Variants in TOM1L2 observed in about 807,000 individuals in gnomAD.
TOM1L2 encodes target of myb1 like 2 membrane trafficking protein.
TOM1L2 carries 31 observed loss-of-function variants against 67.9 expected under a neutral mutation model. That is an observed-to-expected ratio of 0.46 (90% CI 0.34 to 0.62). The LOEUF is 0.62. Ranked by LOEUF, TOM1L2 falls within the 20% of genes least tolerant of loss-of-function variation. TOM1L2 has a pLI of 0.01. For synonymous variants in TOM1L2, 256 were observed against 254.0 expected, an observed-to-expected ratio of 1.01 and a Z score of -0.07; for missense variants, 606 against 663.5, an observed-to-expected ratio of 0.91 and a Z score of 0.95.
At position 17,963,449 on chromosome 17, in the gene TOM1L2, C is replaced by T. The variant is rs551128453; in HGVS notation, c.52+8813G>A. ...AAGAAAAACGCTGGAGCTAGAGCCC[C>T]TGGCTGGAGAGGACCGCTCCGCCTA... On this transcript the variant is annotated intron_variant, in intron 1 of 14. Transcript: ENST00000379504. 5.3e-5 allele frequency among the ~76,000 whole-genome samples: 8 copies of T among 152,348 alleles called. No individual in the cohort carries two copies. In the South Asian group the frequency reaches 1.7e-3, roughly 32 times the overall value.
intron 7 of TOM1L2, among the ~76,000 whole-genome samples, chr17:17,871,350 G>A (rs2037144517): frequency 6.6e-6 from 1 of 151,872 alleles, no homozygotes. Flanking sequence ...CAGACTGGGA[G>A]AGAGAGCGAG....
At chr17:17,850,236 GAA>G (rs1370542975) in intron 13 of TOM1L2, among the ~76,000 whole-genome samples, 1 of 152,206 alleles carries the variant, frequency 6.6e-6, no homozygotes, top group East Asian at 1.9e-4. Flanking sequence ...TGCTGAGAGT[GAA>G]AGTGCTTTGT....
intron 4 of TOM1L2, among the ~76,000 whole-genome samples, chr17:17,893,371 T>TC (rs2038390629): frequency 6.6e-6 from 1 of 152,112 alleles, no homozygotes. Flanking sequence ...TTCTTCCTAC[T>TC]CCAAGTTTTC....
intron 3 of TOM1L2, among the ~76,000 whole-genome samples, chr17:17,894,062 G>A (rs75657476): frequency 6.6e-6 from 1 of 152,220 alleles, no homozygotes. Context: ...GTTGGTAATT[G>A]AGGCACCAGT....
chr17:17,962,757 G>A (rs150961477), intron 1 of TOM1L2, among the ~76,000 whole-genome samples: 4,852 of 151,994 alleles, frequency 0.032, 227 homozygotes, highest in African/African-American at 0.11. Flanking sequence ...TCAAGAGATC[G>A]AGACCAACCT....
chr17:17,855,996 A>C (rs1431404291), intron 12 of TOM1L2, among the ~76,000 whole-genome samples: 4 of 151,808 alleles, frequency 2.6e-5, no homozygotes. Context: ...TCAGTCAGGC[A>C]AGACACCAGG....
intron 1 of TOM1L2, among the ~76,000 whole-genome samples, chr17:17,955,887 G>C (rs555683064): frequency 6.6e-6 from 1 of 152,088 alleles, no homozygotes; most frequent in African/African-American, 2.4e-5. Flanking sequence ...GCAGACCTTC[G>C]CGGTGAGTGT....
intron 6 of TOM1L2, among the ~76,000 whole-genome samples, chr17:17,882,234 C>G (rs1469854215): frequency 1.3e-5 from 2 of 152,162 alleles, no homozygotes; most frequent in Non-Finnish European, 2.9e-5. Context: ...ATAGACAAGC[C>G]CGTCACAACT....
intron 3 of TOM1L2, among the ~76,000 whole-genome samples, chr17:17,894,156 T>A (rs1418136142): frequency 6.6e-6 from 1 of 152,202 alleles, no homozygotes; most frequent in Non-Finnish European, 1.5e-5. Context: ...CTCCTCTCTC[T>A]GGGCCTCTGG....
intron 7 of TOM1L2, 155 bp from the exon 8 acceptor site, chr17:17,869,628 C>T: frequency 3.6e-6 from 5 of 1,401,630 alleles, no homozygotes; most frequent in Non-Finnish European, 4.6e-6. Context: ...AGTAGAAGTT[C>T]CCTCTTCACT....
At chr17:17,913,395 A>G (rs2039492956) in intron 1 of TOM1L2, among the ~76,000 whole-genome samples, 1 of 151,972 alleles carries the variant, frequency 6.6e-6, no homozygotes, top group African/African-American at 2.4e-5. Context: ...CATGGAGCAG[A>G]TGCCGGGCCA....
At chr17:17,902,442 G>A (rs1464505995) in intron 2 of TOM1L2, among the ~76,000 whole-genome samples, 1 of 152,254 alleles carries the variant, frequency 6.6e-6, no homozygotes, top group Admixed American at 6.5e-5. Flanking sequence ...CTGCGGCCAG[G>A]TGAGCCTGTG....
intron 4 of TOM1L2, among the ~76,000 whole-genome samples, chr17:17,886,430 G>C (rs1162759204): frequency 6.6e-6 from 1 of 152,280 alleles, no homozygotes; most frequent in Non-Finnish European, 1.5e-5. Context: ...AGCTGGAGGA[G>C]AGTAGGTTGC....
At chr17:17,906,168 A>T (rs1370927910) in intron 2 of TOM1L2, among the ~76,000 whole-genome samples, 2 of 144,040 alleles carry the variant, frequency 1.4e-5, no homozygotes. Context: ...TTTCTCTGTC[A>T]CCAAAACTGG....
chr17:17,902,878 T>C (rs2038919078), intron 2 of TOM1L2, among the ~76,000 whole-genome samples: 1 of 152,208 alleles, frequency 6.6e-6, no homozygotes, highest in Admixed American at 6.5e-5. Context: ...CCCTATGAGA[T>C]AGGTATTATT....
chr17:17,966,594 G>A (rs1223891594), intron 1 of TOM1L2, among the ~76,000 whole-genome samples: 2 of 152,146 alleles, frequency 1.3e-5, no homozygotes, highest in African/African-American at 4.8e-5. Context: ...TTCCCTTGCG[G>A]CTGAATCATG....
Position 17,847,237 on chromosome 17 carries a change from GA to G in TOM1L2, c.*397del. 1 of 218,244 alleles carries G rather than the reference GA, an allele frequency of 4.6e-6. No individual in the cohort carries two copies. The highest frequency in any genetic ancestry group is 1.3e-4 in the East Asian group (1 of 7,868). The allele number at this position is 218,244 out of a possible 1,614,324, so 13.5% of individuals were successfully genotyped here. On this transcript the variant is annotated 3_prime_UTR_variant, in exon 15 of 15. Transcript: ENST00000379504. ...GGGCCCAGGAGGGCAGAATGCCTGA[GA>G]AGGTCGCTGAGCCAGGCAGAGGTGA... is the stretch of plus-strand genomic sequence containing the variant.
At chr17:17,963,333 C>T (rs2041763833) in intron 1 of TOM1L2, among the ~76,000 whole-genome samples, 1 of 152,218 alleles carries the variant, frequency 6.6e-6, no homozygotes. Flanking sequence ...ACTATGCTAT[C>T]TTTCTGGAAT....
intron 1 of TOM1L2, among the ~76,000 whole-genome samples, chr17:17,913,816 A>T (rs547685239): frequency 6.6e-6 from 1 of 152,316 alleles, no homozygotes; most frequent in East Asian, 1.9e-4. Context: ...TTCTGCTGCT[A>T]AACCGAACTT....
Sources: allele counts gnomAD v4.1 joint callset (sites outside exome capture counted in the v4.1 genomes callset), GRCh38; gene constraint gnomAD v4.1.1; transcripts MANE v1.5; gene names NCBI Gene and HGNC (gene_info 2026-07-23, HGNC 2026-07-21).